TNFSF11: variants seen among roughly 807,000 people sequenced by gnomAD.
TNFSF11 encodes the protein tumor necrosis factor ligand superfamily member 11.
Under a neutral mutation model 32.2 loss-of-function variants are expected in TNFSF11, and 12 were observed. The observed-to-expected ratio is 0.37, with a 90% CI of 0.24 to 0.60. The LOEUF (loss-of-function observed/expected upper bound fraction) is 0.60, where lower values mean the gene tolerates loss of function less well. TNFSF11 is among the 20% of genes least tolerant of loss of function. The pLI is 0.66. For missense variants in TNFSF11, 345 were observed against 398.0 expected, an observed-to-expected ratio of 0.87 and a Z score of 1.13; for synonymous variants, 172 against 152.1, an observed-to-expected ratio of 1.13 and a Z score of -0.96.
At position 42,564,953 on chromosome 13, in the gene TNFSF11, T is replaced by C. The variant is rs572559424; in HGVS notation, c.-301-1668T>C. On this transcript the variant is annotated intron_variant, in intron 1 of 6. Coordinates refer to the TNFSF11 transcript ENST00000358545. ...AGTTCACCAGCCACTTTGCCAGTAC[T>C]CAACAAAATCTGTGGGGGAAGAAGA... Among the ~76,000 whole-genome samples, 18 of 152,346 alleles carry C rather than the reference T, an allele frequency of 1.2e-4. No individual in the cohort carries two copies. In the South Asian group the frequency reaches 3.7e-3, roughly 32 times the overall value.
chr13:42,581,845 A>G (rs530159425), intron 2 of TNFSF11, among the ~76,000 whole-genome samples: 1 of 152,318 alleles, frequency 6.6e-6, no homozygotes, highest in African/African-American at 2.4e-5. Context: ...TTTCTGGGAG[A>G]GCTGAGTGAC....
chr13:42,605,222 A>C (rs899906304), intron 4 of TNFSF11, among the ~76,000 whole-genome samples: 2 of 152,160 alleles, frequency 1.3e-5, no homozygotes, highest in Non-Finnish European at 2.9e-5. Flanking sequence ...GGCCTGACCT[A>C]AGTTGTGGTT....
chr13:42,598,932 A>T (rs1430882777), intron 2 of TNFSF11, among the ~76,000 whole-genome samples: 2 of 152,180 alleles, frequency 1.3e-5, no homozygotes, highest in Non-Finnish European at 2.9e-5. Context: ...AAATCTTGGA[A>T]GACTGGAGGT....
At chr13:42,564,252 C>T (rs557048481) in intron 1 of TNFSF11, among the ~76,000 whole-genome samples, 2 of 152,078 alleles carry the variant, frequency 1.3e-5, no homozygotes, top group Admixed American at 6.5e-5. Flanking sequence ...GTTTTCTTTA[C>T]TATATGTAAA....
chr13:42,606,384 C>A, intron 4 of TNFSF11, 113 bp from the exon 5 acceptor site: 1 of 1,268,920 alleles, frequency 7.9e-7, no homozygotes. Flanking sequence ...AGTTATTCTC[C>A]CTTTGAAATA....
chr13:42,569,893 AAAACAGTGGCACTTTTCTCC>A (rs1482960769), upstream of TNFSF11, among the ~76,000 whole-genome samples: 1 of 152,172 alleles, frequency 6.6e-6, no homozygotes, highest in Non-Finnish European at 1.5e-5. Context: ...GAAAAAATGT[AAAACAGTGGCACTTTTCTCC>A]CTACTTTTTT....
At chr13:42,591,964 A>G (rs1478831050) in intron 2 of TNFSF11, among the ~76,000 whole-genome samples, 2 of 152,178 alleles carry the variant, frequency 1.3e-5, no homozygotes, top group Non-Finnish European at 2.9e-5. Flanking sequence ...GCTGGAACCT[A>G]TGGCATCCCA....
At chr13:42,591,645 G>T (rs765177575) in intron 2 of TNFSF11, among the ~76,000 whole-genome samples, 2 of 152,174 alleles carry the variant, frequency 1.3e-5, no homozygotes, top group Admixed American at 6.5e-5. Context: ...CTCCATCCAG[G>T]TGCATATATG....
chr13:42,599,759 G>A (rs910611048), intron 2 of TNFSF11, among the ~76,000 whole-genome samples: 4 of 152,002 alleles, frequency 2.6e-5, no homozygotes, highest in African/African-American at 4.8e-5. Flanking sequence ...TAGTAGATAC[G>A]GGGTTCCACT....
intron 1 of TNFSF11, 44 bp downstream of exon 1, chr13:42,574,566 T>C (rs756488707): frequency 5.7e-6 from 9 of 1,586,016 alleles, no homozygotes; most frequent in East Asian, 2.3e-5. Flanking sequence ...AGAGCGCCCA[T>C]CTCCTTCCCC....
chr13:42,567,334 A>G (rs1872905842), intron 2 of TNFSF11, among the ~76,000 whole-genome samples: 1 of 152,244 alleles, frequency 6.6e-6, no homozygotes, highest in South Asian at 2.1e-4. Flanking sequence ...CCTGTCAAAC[A>G]GAGTTGCTTT....
At chr13:42,586,013 G>A (rs1594467499) in intron 2 of TNFSF11, among the ~76,000 whole-genome samples, 1 of 152,350 alleles carries the variant, frequency 6.6e-6, no homozygotes, top group East Asian at 1.9e-4. Flanking sequence ...AAGAAGCATA[G>A]GGACTTTCTG....
In TNFSF11 at chr13:42,574,194, A is replaced by G. The variant is rs1254659566; in HGVS notation, c.-110A>G. 1 of 1,445,424 alleles carries G rather than the reference A, an allele frequency of 6.9e-7. No individual in the cohort carries two copies. Among genetic ancestry groups the G allele is most frequent in the South Asian group, 1.2e-5 (1 of 81,138 alleles). 89.5% of individuals were successfully genotyped at this position (1,445,424 alleles called of 1,614,324 possible). On this transcript the variant is annotated 5_prime_UTR_variant, in exon 1 of 5. Transcript: ENST00000398795. ...CCCCAGGACCCAAAGCCGGGCTCCA[A>G]GTCGGCGCCCCACGTCGAGGCTCCG...
intron 2 of TNFSF11, among the ~76,000 whole-genome samples, chr13:42,583,148 C>T (rs1409571404): frequency 6.6e-6 from 1 of 151,976 alleles, no homozygotes; most frequent in Non-Finnish European, 1.5e-5. Context: ...CGGTGGCTCA[C>T]ACTTGTAATC....
At position 42,606,789 on chromosome 13, in the gene TNFSF11, A is replaced by G. The variant is rs1869479550; in HGVS notation, c.825A>G (p.Ile275Met). 1 of 1,613,610 alleles carries G rather than the reference A, an allele frequency of 6.2e-7. No individual in the cohort carries two copies. ...SGNSEFHFYS[I>M]NVGGFFKLRS... ...ATTCTGAATTCCATTTTTATTCCAT[A>G]AACGTTGGTGGATTTTTTAAGTTAC... The change falls in exon 5 of 5, where the codon ATA (isoleucine) becomes ATG (methionine). Residue 275 changes from isoleucine to methionine, a missense_variant. By Grantham distance (10) the Ile-to-Met change is conservative. This residue lies in a region of TNFSF11 where 148 missense variants were observed against 216.0 expected (regional missense o/e 0.69). Coordinates refer to ENST00000398795, the MANE Select transcript of TNFSF11 (RefSeq NM_003701.4).
chr13:42,570,313 G>A (rs1873017018), upstream of TNFSF11, among the ~76,000 whole-genome samples: 1 of 152,144 alleles, frequency 6.6e-6, no homozygotes, highest in Non-Finnish European at 1.5e-5. Flanking sequence ...TCAAAGGAAA[G>A]GTATTAAATT....
At chr13:42,602,212 C>G (rs574547699) in intron 4 of TNFSF11, among the ~76,000 whole-genome samples, 1 of 152,268 alleles carries the variant, frequency 6.6e-6, no homozygotes, top group East Asian at 1.9e-4. Flanking sequence ...TCAGCTTCAT[C>G]ATGTCTAAAA....
At chr13:42,572,704 C>G (rs1873113924), upstream of TNFSF11, among the ~76,000 whole-genome samples, 1 of 152,132 alleles carries the variant, frequency 6.6e-6, no homozygotes, top group African/African-American at 2.4e-5. Context: ...AGATCATTTT[C>G]TTTGTATGGC....
intron 2 of TNFSF11, among the ~76,000 whole-genome samples, chr13:42,583,777 C>CT (rs1194681698): frequency 1.3e-5 from 2 of 152,082 alleles, no homozygotes; most frequent in Non-Finnish European, 2.9e-5. Flanking sequence ...AAGATGCCCA[C>CT]TGTCCCTACG....
Sources: gnomAD v4.1 joint callset for allele counts (sites outside exome capture counted in the v4.1 genomes callset) on GRCh38, gnomAD v4.1.1 for gene constraint, gnomAD v4.1.1 regional missense constraint, MANE v1.5 for transcripts, NCBI Gene and HGNC (gene_info 2026-07-23, HGNC 2026-07-21) for gene names.